Variants in EIF3M observed in about 807,000 individuals in gnomAD.
The protein encoded by EIF3M is eukaryotic translation initiation factor 3 subunit M, also known as B5 receptor.
A neutral mutation model predicts 49.7 loss-of-function variants in EIF3M; 25 were observed. The ratio of observed to expected loss-of-function variants is 0.50; its 90% CI spans 0.37 to 0.70. The LOEUF (loss-of-function observed/expected upper bound fraction) is 0.70. Among genes scored for constraint, EIF3M ranks in the 30% least tolerant of loss-of-function variants. The probability of loss-of-function intolerance (pLI) is 0.00; values close to 1 mark genes in which losing one functional copy is unlikely to be tolerated. For missense variants in EIF3M, 350 were observed against 440.0 expected (o/e 0.80, Z 1.83); for synonymous variants, 156 against 149.8 (o/e 1.04, Z -0.30).
intron 1 of EIF3M, among the ~76,000 whole-genome samples, chr11:32,584,607 C>CAAAAAA (rs796738414): frequency 0.18 from 11,285 of 61,938 alleles, 1,911 homozygotes; most frequent in Non-Finnish European, 0.25. Flanking sequence ...GAGTCCCTCT[C>CAAAAAA]AAAAAAAAAA....
intron 6 of EIF3M, chr11:32,594,686 C>A: frequency 2.8e-6 from 1 of 354,726 alleles, no homozygotes; most frequent in Non-Finnish European, 5.1e-6. Flanking sequence ...TGCTTTCTCT[C>A]CAGCTATGTT....
chr11:32,599,035 A>G (rs1193777278), intron 8 of EIF3M, among the ~76,000 whole-genome samples: 5 of 151,942 alleles, frequency 3.3e-5, no homozygotes, highest in Non-Finnish European at 5.9e-5. Context: ...TATATTTTTT[A>G]TTTTAATTCT....
chr11:32,596,094 T>C, intron 8 of EIF3M, 47 bp downstream of exon 8: 2 of 1,384,246 alleles, frequency 1.4e-6, no homozygotes, highest in Non-Finnish European at 9.8e-7. Context: ...GGGAACATGA[T>C]ACACTAACAG....
chr11:32,601,557 T>C (rs1356778566), intron 9 of EIF3M: 16 of 426,580 alleles, frequency 3.8e-5, no homozygotes, highest in African/African-American at 1.2e-4. Context: ...TTATTTAATA[T>C]AGATTGTCCC....
intron 1 of EIF3M, among the ~76,000 whole-genome samples, chr11:32,584,748 A>C (rs966523125): frequency 1.3e-5 from 2 of 152,140 alleles, no homozygotes; most frequent in African/African-American, 4.8e-5. Flanking sequence ...GTATGGTATC[A>C]GTTCAGCTCT....
chr11:32,594,855 A>T, intron 6 of EIF3M, 59 bp from the exon 7 acceptor site: 1 of 1,501,298 alleles, frequency 6.7e-7, no homozygotes, highest in Non-Finnish European at 9.1e-7. Context: ...ATCTGCAAAA[A>T]CTCAATGAAA....
Position 32,602,893 on chromosome 11 carries a change from T to A in EIF3M, c.*494T>A. ...GTTGTCATTTTCTAAACTTAGTAAA[T>A]TTTCACTTTTATTTAGTTGATTCGT... On this transcript the variant is annotated 3_prime_UTR_variant, in exon 11 of 11. Transcript: ENST00000531120. 1 of 1,612,166 alleles carries A rather than the reference T, an allele frequency of 6.2e-7. No individual in the cohort carries two copies. The highest frequency in any genetic ancestry group is 8.5e-7 in the Non-Finnish European group (1 of 1,179,280).
rs2133211214 is a variant in EIF3M at position 32,605,842 on chromosome 11, T to C, written c.*3443T>C. On this transcript the variant is annotated 3_prime_UTR_variant, in exon 11 of 11. Coordinates refer to ENST00000531120, the MANE Select transcript of EIF3M (RefSeq NM_006360.6). ...CAGATATATTGCCTTGTATCTTCGT[T>C]CTTTCGTCTCCTATCCTTTTTAGAA... is the stretch of plus-strand genomic sequence containing the variant. The C allele has an allele frequency of 6.6e-6, 1 of 152,358 alleles. No individual in the cohort carries two copies. The highest frequency in any genetic ancestry group is 1.9e-4 in the East Asian group (1 of 5,194). The allele number at this position is 152,358 out of a possible 1,614,324, so 9.4% of individuals were successfully genotyped here.
rs1465492095 is a variant in EIF3M, at chr11:32,603,998, T to G, written c.*1599T>G. ...GCAAGGATCATTTGAGCCCAGGAGG[T>G]GAAGGTTGCAATGAGCCAAGATCAT... On this transcript the variant is annotated 3_prime_UTR_variant, in exon 11 of 11. Coordinates refer to ENST00000531120, the MANE Select transcript of EIF3M (RefSeq NM_006360.6). 1 of 152,154 alleles carries G rather than the reference T, an allele frequency of 6.6e-6. No individual in the cohort carries two copies. The highest frequency in any genetic ancestry group is 1.9e-4 in the East Asian group (1 of 5,192). The allele number at this position is 152,154 out of a possible 1,614,324, so 9.4% of individuals were successfully genotyped here.
At chr11:32,585,553 A>C (rs1024662998) in intron 1 of EIF3M, among the ~76,000 whole-genome samples, 6 of 152,178 alleles carry the variant, frequency 3.9e-5, no homozygotes, top group Non-Finnish European at 8.8e-5. Context: ...TGTGGCAGTG[A>C]GGATGACAGA....
chr11:32,584,149 A>T, intron 1 of EIF3M: 1 of 595,768 alleles, frequency 1.7e-6, no homozygotes, highest in Non-Finnish European at 2.9e-6. Flanking sequence ...CTTCACCGCC[A>T]GCTCCCTGGT....
At chr11:32,596,108 T>G in intron 8 of EIF3M, 61 bp downstream of exon 8, 2 of 1,262,302 alleles carry the variant, frequency 1.6e-6, no homozygotes, top group African/African-American at 3.1e-5. Flanking sequence ...CTAACAGTTA[T>G]GTACTATGTG....
intron 10 of EIF3M, 171 bp from the exon 11 acceptor site, chr11:32,602,108 C>A: frequency 9.2e-7 from 1 of 1,091,960 alleles, no homozygotes; most frequent in Non-Finnish European, 1.3e-6. Context: ...GGCTTAGGAT[C>A]AATATGGTAA....
At chr11:32,594,173 G>A in intron 6 of EIF3M, 2 of 340,960 alleles carry the variant, frequency 5.9e-6, no homozygotes, top group Non-Finnish European at 5.3e-6. Flanking sequence ...ACCTGGCGGG[G>A]GGGGTATTGC....
chr11:32,587,197 C>T, intron 2 of EIF3M, 53 bp downstream of exon 2: 1 of 1,503,990 alleles, frequency 6.6e-7, no homozygotes, highest in Admixed American at 2.0e-5. Flanking sequence ...TTAAATTTTT[C>T]TTGTGAATTA....
intron 5 of EIF3M, chr11:32,592,408 G>A (rs190032885): frequency 3.7e-6 from 2 of 546,796 alleles, no homozygotes; most frequent in Admixed American, 4.1e-5. Context: ...TTTCAAAGTA[G>A]TCTCTCAAAT....
chr11:32,587,653 A>C (rs1855021779), intron 2 of EIF3M, among the ~76,000 whole-genome samples: 1 of 152,238 alleles, frequency 6.6e-6, no homozygotes, highest in African/African-American at 2.4e-5. Flanking sequence ...ATAAAATGAA[A>C]AAAATGAAGC....
At chr11:32,592,335 T>G in intron 5 of EIF3M, 1 of 551,336 alleles carries the variant, frequency 1.8e-6, no homozygotes, top group Non-Finnish European at 3.4e-6. Flanking sequence ...CAAAAGCAAA[T>G]CCTCTCTTTT....
intron 5 of EIF3M, among the ~76,000 whole-genome samples, chr11:32,591,068 C>T (rs1362567729): frequency 6.6e-6 from 1 of 152,142 alleles, no homozygotes; most frequent in Non-Finnish European, 1.5e-5. Flanking sequence ...TCAGGATGGT[C>T]TTGATCTCCT....
Sources: allele counts gnomAD v4.1 joint callset (sites outside exome capture counted in the v4.1 genomes callset), GRCh38; gene constraint gnomAD v4.1.1; transcripts MANE v1.5; gene names NCBI Gene and HGNC (gene_info 2026-07-23, HGNC 2026-07-21).